ERBB4: variants seen among roughly 807,000 people sequenced by gnomAD.
ERBB4 encodes the protein erb-b2 receptor tyrosine kinase 4, also known as receptor tyrosine-protein kinase erbB-4.
ERBB4 carries 42 observed loss-of-function variants against 158.0 expected under a neutral mutation model. The observed-to-expected ratio is 0.27, with a 90% CI of 0.21 to 0.34. The LOEUF is 0.34. Ranked by LOEUF, ERBB4 falls within the 10% of genes least tolerant of loss-of-function variation. ERBB4 has a pLI of 1.00. For synonymous variants in ERBB4, 583 were observed against 558.7 expected, an observed-to-expected ratio of 1.04 and a Z score of -0.61; for missense variants, 1,333 against 1,624.1, an observed-to-expected ratio of 0.82 and a Z score of 3.08.
At chr2:211,839,882 T>C (rs550009974) in intron 3 of ERBB4, among the ~76,000 whole-genome samples, 3 of 152,280 alleles carry the variant, frequency 2.0e-5, no homozygotes, top group East Asian at 1.9e-4. Context: ...AAAAGTTCTA[T>C]TCATTGTTTT....
chr2:212,289,823 C>T (rs1298412109), intron 1 of ERBB4, among the ~76,000 whole-genome samples: 1 of 152,122 alleles, frequency 6.6e-6, no homozygotes, highest in Non-Finnish European at 1.5e-5. Flanking sequence ...AACTTAATTG[C>T]ACAGAGTATT....
rs370489450 is a variant in ERBB4, at chr2:211,563,854, A to T, written c.2302-1766T>A. ...TATACACACAAATGCACATACACAT[A>T]GAGGGTGTAATATGTATATGGCAAT... is the stretch of plus-strand genomic sequence containing the variant. On this transcript the variant is annotated intron_variant, in intron 19 of 27. Transcript: ENST00000342788. Among the ~76,000 whole-genome samples the T allele has an allele frequency of 2.6e-5, 4 of 152,300 alleles. No homozygotes were observed. The South Asian group carries it at 8.3e-4, about 32-fold the overall frequency.
intron 12 of ERBB4, among the ~76,000 whole-genome samples, chr2:211,693,582 G>C (rs530669121): frequency 2.6e-5 from 4 of 152,062 alleles, no homozygotes; most frequent in Non-Finnish European, 5.9e-5. Context: ...TAGAACGATG[G>C]GGGAATAATA....
chr2:212,077,005 AAATAG>A, intron 2 of ERBB4, among the ~76,000 whole-genome samples: 1 of 152,062 alleles, frequency 6.6e-6, no homozygotes, highest in East Asian at 1.9e-4. Flanking sequence ...ACATGTCAAA[AAATAG>A]GATAGCTAAA....
intron 1 of ERBB4, among the ~76,000 whole-genome samples, chr2:212,212,551 TAA>T (rs59628689): frequency 6.7e-6 from 1 of 148,804 alleles, no homozygotes; most frequent in African/African-American, 2.5e-5. Context: ...TTCACAGAAT[TAA>T]AAAAAAAAAA....
chr2:211,437,797 C>T (rs1166775031), intron 20 of ERBB4, among the ~76,000 whole-genome samples: 1 of 151,976 alleles, frequency 6.6e-6, no homozygotes, highest in African/African-American at 2.4e-5. Context: ...TTCGTAATAA[C>T]AGGAAGCTTC....
At position 212,355,671 on chromosome 2, in the gene ERBB4, T is replaced by A. The variant is rs2089436975; in HGVS notation, c.82+182778A>T. On this transcript the variant is annotated intron_variant, in intron 1 of 27. Coordinates refer to ENST00000342788, the MANE Select transcript of ERBB4 (RefSeq NM_005235.3). ...ATGCTCATAAATAAACAGGTAGTCATCTTGTCAGTATGGAGTTTATTATAG... is the reference window on the plus strand; with the variant it reads ...ATGCTCATAAATAAACAGGTAGTCAACTTGTCAGTATGGAGTTTATTATAG... Among the ~76,000 whole-genome samples the A allele has an allele frequency of 1.3e-5, 2 of 152,060 alleles. 1 individual carries two copies. Among genetic ancestry groups the A allele is most frequent in the Admixed American group, 1.3e-4 (2 of 15,200 alleles).
intron 3 of ERBB4, among the ~76,000 whole-genome samples, chr2:211,889,142 T>C (rs2078892999): frequency 1.4e-5 from 2 of 143,174 alleles, no homozygotes; most frequent in African/African-American, 5.6e-5. Flanking sequence ...CAGACTTAAG[T>C]GTCCCTGTCT....
At chr2:211,858,156 G>T (rs557698578) in intron 3 of ERBB4, among the ~76,000 whole-genome samples, 18 of 152,278 alleles carry the variant, frequency 1.2e-4, no homozygotes, top group African/African-American at 4.3e-4. Flanking sequence ...GTGTGGAAGA[G>T]GTGAAGAAAG....
At chr2:212,430,486 G>T (rs1053270619) in intron 1 of ERBB4, among the ~76,000 whole-genome samples, 14 of 151,440 alleles carry the variant, frequency 9.2e-5, no homozygotes, top group Non-Finnish European at 1.3e-4. Flanking sequence ...TGTTGCCCAG[G>T]CTGGAGTGCA....
chr2:212,384,859 G>C (rs1472811075), intron 1 of ERBB4, among the ~76,000 whole-genome samples: 2 of 141,898 alleles, frequency 1.4e-5, no homozygotes, highest in Non-Finnish European at 3.0e-5. Flanking sequence ...AGGAAGAATA[G>C]AATTGTTGTT....
chr2:211,879,991 AT>A (rs1421682465), intron 3 of ERBB4, among the ~76,000 whole-genome samples: 146 of 150,590 alleles, frequency 9.7e-4, no homozygotes, highest in African/African-American at 3.5e-3. Context: ...ATTAACAAAA[AT>A]AAATATATAA....
At chr2:211,748,403 G>C (rs2075034495) in intron 5 of ERBB4, among the ~76,000 whole-genome samples, 1 of 152,134 alleles carries the variant, frequency 6.6e-6, no homozygotes. Context: ...TAACGCAAGA[G>C]GCAACCAAAG....
intron 1 of ERBB4, among the ~76,000 whole-genome samples, chr2:212,303,540 G>A (rs2086699510): frequency 6.6e-6 from 1 of 151,328 alleles, no homozygotes; most frequent in Non-Finnish European, 1.5e-5. Flanking sequence ...GTAAAAATTG[G>A]AAGTAGTCTT....
intron 1 of ERBB4, among the ~76,000 whole-genome samples, chr2:212,310,564 C>T (rs1343068552): frequency 6.7e-6 from 1 of 148,904 alleles, no homozygotes. Flanking sequence ...AGTAATTTTG[C>T]GTGAACCATC....
At chr2:211,772,897 A>ACT (rs2075743906) in intron 4 of ERBB4, among the ~76,000 whole-genome samples, 1 of 88,774 alleles carries the variant, frequency 1.1e-5, no homozygotes, top group Non-Finnish European at 2.2e-5. Flanking sequence ...ACACACACAC[A>ACT]CATATATATA....
At chr2:211,473,723 G>T (rs569082232) in intron 20 of ERBB4, among the ~76,000 whole-genome samples, 1 of 152,162 alleles carries the variant, frequency 6.6e-6, no homozygotes, top group African/African-American at 2.4e-5. Flanking sequence ...CTCCCTGGGA[G>T]CCAGGGAGAT....
chr2:211,980,898 T>C (rs1210931959), intron 2 of ERBB4, among the ~76,000 whole-genome samples: 2 of 152,060 alleles, frequency 1.3e-5, no homozygotes, highest in Admixed American at 6.6e-5. Context: ...CCCTTTCTTG[T>C]CAGATTTGAG....
At chr2:212,395,561 C>T (rs2090999544) in intron 1 of ERBB4, among the ~76,000 whole-genome samples, 1 of 150,650 alleles carries the variant, frequency 6.6e-6, no homozygotes, top group African/African-American at 2.4e-5. Flanking sequence ...TATGTGTTAG[C>T]ATCTTTGGCT....
Sources: gnomAD v4.1 joint callset for allele counts (sites outside exome capture counted in the v4.1 genomes callset) on GRCh38, gnomAD v4.1.1 for gene constraint, MANE v1.5 for transcripts, NCBI Gene and HGNC (gene_info 2026-07-23, HGNC 2026-07-21) for gene names.